The following CRISP2 variants were observed in gnomAD, a reference collection of about 807,000 sequenced individuals.
CRISP2 encodes cysteine rich secretory protein 2, also known as cysteine-rich secretory protein 2.
Under a neutral mutation model 31.7 loss-of-function variants are expected in CRISP2, and 29 were observed. The ratio of observed to expected loss-of-function variants is 0.92; its 90% CI spans 0.68 to 1.25. The LOEUF (loss-of-function observed/expected upper bound fraction) is 1.25, where lower values mean the gene tolerates loss of function less well. Among genes scored for constraint, CRISP2 ranks in the 50% most tolerant of loss-of-function variants. The pLI is 0.00. For synonymous variants in CRISP2, 111 were observed against 101.4 expected, an observed-to-expected ratio of 1.09 and a Z score of -0.57; for missense variants, 318 against 286.5, an observed-to-expected ratio of 1.11 and a Z score of -0.79.
chr6:49,691,766 C>A (rs566485180), downstream of CRISP2, among the ~76,000 whole-genome samples: 1 of 151,818 alleles, frequency 6.6e-6, no homozygotes, highest in Admixed American at 6.6e-5. Flanking sequence ...CATTTGGGGG[C>A]CTAGAAATTT....
In CRISP2 at chr6:49,701,935, TAATA is replaced by T. The variant is rs1561877781; in HGVS notation, c.67-1155_67-1152del. On this transcript the variant is annotated intron_variant, in intron 4 of 9. Coordinates refer to ENST00000339139, the MANE Select transcript of CRISP2 (RefSeq NM_003296.4). ...TATATATTATATTATATATAATATA[TAATA>T]TATGTAATATAATATATTATATTAT... 2.2e-3 allele frequency among the ~76,000 whole-genome samples: 203 copies of T among 93,706 alleles called. 2 individuals carry two copies. Among genetic ancestry groups the T allele is most frequent in the Non-Finnish European group, 3.3e-3 (170 of 51,338 alleles). 61.5% of individuals were successfully genotyped at this position (93,706 alleles called of 152,430 possible).
intron 4 of CRISP2, among the ~76,000 whole-genome samples, chr6:49,708,169 C>T (rs1379692510): frequency 6.6e-6 from 1 of 151,936 alleles, no homozygotes; most frequent in East Asian, 1.9e-4. Context: ...TTAAGGAAAT[C>T]AGAAAATAGA....
the CRISP2 span, among the ~76,000 whole-genome samples, chr6:49,684,549 C>A: frequency 6.6e-6 from 1 of 152,116 alleles, no homozygotes; most frequent in East Asian, 1.9e-4. Flanking sequence ...TTAACTTCTG[C>A]AGTGCTAAGG....
intron 3 of CRISP2, among the ~76,000 whole-genome samples, chr6:49,710,938 G>A (rs1228651324): frequency 1.3e-5 from 2 of 152,066 alleles, no homozygotes; most frequent in South Asian, 2.1e-4. Flanking sequence ...AGATCAGCCT[G>A]GAAAGCACAG....
chr6:49,701,707 TAC>T (rs1765862944), intron 4 of CRISP2, among the ~76,000 whole-genome samples: 1 of 117,540 alleles, frequency 8.5e-6, no homozygotes, highest in Non-Finnish European at 1.7e-5. Context: ...ACATTATGTA[TAC>T]ATATATAATG....
At chr6:49,697,819 A>G (rs759716968) in intron 8 of CRISP2, 41 bp downstream of exon 8, 11 of 1,604,546 alleles carry the variant, frequency 6.9e-6, no homozygotes, top group Non-Finnish European at 9.4e-6. Context: ...AATAAATTGC[A>G]GATAGAATTA....
chr6:49,711,245 G>A (rs1346491486), intron 3 of CRISP2, 40 bp downstream of exon 3: 7 of 152,192 alleles, frequency 4.6e-5, no homozygotes. Context: ...TGATTGGCAT[G>A]ATAAAATATT....
downstream of CRISP2, among the ~76,000 whole-genome samples, chr6:49,688,367 T>A (rs532913663): frequency 3.8e-4 from 58 of 152,312 alleles, no homozygotes; most frequent in African/African-American, 1.4e-3. Flanking sequence ...TTTTATTTTT[T>A]AAGGCTAGTC....
chr6:49,681,596 GAAAC>G, the CRISP2 span, among the ~76,000 whole-genome samples: 1 of 152,098 alleles, frequency 6.6e-6, no homozygotes, highest in African/African-American at 2.4e-5. Context: ...CTATCAAAAA[GAAAC>G]AAATTTAGTG....
chr6:49,682,619 C>T, the CRISP2 span, among the ~76,000 whole-genome samples: 1 of 70,476 alleles, frequency 1.4e-5, no homozygotes, highest in Non-Finnish European at 2.4e-5. Context: ...TTCTTTCTTT[C>T]TTTCTTTCTT....
intron 5 of CRISP2, among the ~76,000 whole-genome samples, chr6:49,700,320 T>A (rs1178133306): frequency 6.6e-6 from 1 of 152,094 alleles, no homozygotes; most frequent in East Asian, 1.9e-4. Flanking sequence ...CCCTGGGAAG[T>A]GGGCTTTTAC....
Position 49,698,487 on chromosome 6 carries a change from G to T in CRISP2, c.292C>A (p.Leu98Ile), listed in dbSNP as rs200917120. Reference protein sequence around the residue: ...RKTSTRCGENLYMSSDPTSWS... With the variant: ...RKTSTRCGENIYMSSDPTSWS... ...GAAGTAGGGTCACTTGACATATAGA[G>T]ATTCTCACCACATCTTGTACCTAAG... Residue 98 changes from leucine to isoleucine, a missense_variant, in exon 7 of 10, where the codon CTC becomes ATC. Coordinates refer to ENST00000339139, the MANE Select transcript of CRISP2 (RefSeq NM_003296.4). 7 of 1,610,522 alleles carry T rather than the reference G, an allele frequency of 4.3e-6. No individual in the cohort carries two copies. The highest frequency in any genetic ancestry group is 2.7e-5 in the African/African-American group (2 of 74,660).
chr6:49,704,579 C>T (rs972928655), intron 4 of CRISP2, among the ~76,000 whole-genome samples: 2 of 152,110 alleles, frequency 1.3e-5, no homozygotes, highest in African/African-American at 4.8e-5. Flanking sequence ...AGAGATGGGG[C>T]TTCCTGAGAG....
chr6:49,696,906 T>G (rs1431775782), intron 8 of CRISP2, among the ~76,000 whole-genome samples: 1 of 152,136 alleles, frequency 6.6e-6, no homozygotes, highest in Non-Finnish European at 1.5e-5. Context: ...CTATTCCAAC[T>G]GTCACTTCTG....
Position 49,698,358 on chromosome 6 carries a change from T to C in CRISP2, c.417+4A>G, listed in dbSNP as rs369152693. 9.3e-6 allele frequency: 15 copies of C among 1,612,808 alleles called. No homozygotes were observed. Among genetic ancestry groups the C allele is most frequent in the Non-Finnish European group, 1.2e-5 (14 of 1,179,400 alleles). ...ACATAGGTATTTTCATGCATTCTTC[T>C]TACCTGAGTATAATGTCCAACAACT... On this transcript the variant is annotated splice_donor_region_variant and intron_variant, in intron 7 of 9. Transcript: ENST00000339139.
intron 8 of CRISP2, 197 bp downstream of exon 8, chr6:49,697,663 T>G (rs2127396195): frequency 6.9e-7 from 1 of 1,452,112 alleles, no homozygotes; most frequent in East Asian, 2.8e-5. Flanking sequence ...AATGAGAGCT[T>G]CAGTTTTTAT....
At chr6:49,688,837 A>G (rs1432707740), downstream of CRISP2, among the ~76,000 whole-genome samples, 1 of 152,084 alleles carries the variant, frequency 6.6e-6, no homozygotes, top group Non-Finnish European at 1.5e-5. Context: ...CACTAGCTGT[A>G]CACCCTAGAT....
At chr6:49,692,176 A>G (rs564882116), downstream of CRISP2, among the ~76,000 whole-genome samples, 14 of 152,274 alleles carry the variant, frequency 9.2e-5, no homozygotes, top group African/African-American at 3.4e-4. Flanking sequence ...GTTAAAATTT[A>G]ACTTTATAGA....
chr6:49,691,921 C>A (rs360560), downstream of CRISP2, among the ~76,000 whole-genome samples: 90,154 of 151,756 alleles, frequency 0.59, 27,368 homozygotes, highest in East Asian at 0.8. Context: ...TTTTCAATAA[C>A]CTTTCCACTT....
Sources: allele counts gnomAD v4.1 joint callset (sites outside exome capture counted in the v4.1 genomes callset), GRCh38; gene constraint gnomAD v4.1.1; transcripts MANE v1.5; gene names NCBI Gene and HGNC (gene_info 2026-07-23, HGNC 2026-07-21).